Variants in PDE3A observed in about 807,000 individuals in gnomAD.
PDE3A encodes cGMP-inhibited 3',5'-cyclic phosphodiesterase 3A.
A neutral mutation model predicts 98.3 loss-of-function variants in PDE3A; 43 were observed. The observed-to-expected ratio is 0.44, with a 90% CI of 0.34 to 0.56. The LOEUF (loss-of-function observed/expected upper bound fraction) is 0.56, where lower values mean the gene tolerates loss of function less well. Ranked by LOEUF, PDE3A falls within the 20% of genes least tolerant of loss-of-function variation. PDE3A has a pLI of 0.01. For synonymous variants in PDE3A, 663 were observed against 567.9 expected (o/e 1.17, Z -2.38); for missense variants, 1,427 against 1,440.7 (o/e 0.99, Z 0.15).
At chr12:20,466,405 C>G (rs888837166) in intron 1 of PDE3A, among the ~76,000 whole-genome samples, 2 of 152,086 alleles carry the variant, frequency 1.3e-5, no homozygotes, top group African/African-American at 4.8e-5. Context: ...TCCTGTGTTT[C>G]AAGGAGGAGA....
chr12:20,425,242 TA>T (rs1370700575), intron 1 of PDE3A, among the ~76,000 whole-genome samples: 1 of 152,126 alleles, frequency 6.6e-6, no homozygotes, highest in African/African-American at 2.4e-5. Context: ...GGTGGTGACA[TA>T]CATAAAGCCA....
chr12:20,551,807 C>T lies in PDE3A; in HGVS notation c.961-4853C>T, dbSNP rs1238416240. ...AAGATGGCCTCGGCCACATCGTCCTCACAGCGGGACTGGGACAAGGGCATG... is the reference window on the plus strand; with the variant it reads ...AAGATGGCCTCGGCCACATCGTCCTTACAGCGGGACTGGGACAAGGGCATG... On this transcript the variant is annotated intron_variant, in intron 1 of 15. Transcript: ENST00000359062. 7.4e-6 allele frequency: 12 copies of T among 1,613,890 alleles called. No homozygotes were observed. The East Asian group carries it at 2.0e-4, about 27-fold the overall frequency.
chr12:20,426,837 A>G (rs1944608998), intron 1 of PDE3A, among the ~76,000 whole-genome samples: 1 of 152,214 alleles, frequency 6.6e-6, no homozygotes, highest in African/African-American at 2.4e-5. Flanking sequence ...TACATTCACT[A>G]AAATAAGATT....
At chr12:20,435,606 C>CCTGGATCTAATTCCTGGTAGTAAGG (rs1431158230) in intron 1 of PDE3A, among the ~76,000 whole-genome samples, 3 of 152,080 alleles carry the variant, frequency 2.0e-5, no homozygotes, top group Admixed American at 6.6e-5. Flanking sequence ...GAGTATGGTT[C>CCTGGATCTAATTCCTGGTAGTAAGG]CTGGATCTAA....
chr12:20,496,546 G>A (rs1021424143), intron 1 of PDE3A, among the ~76,000 whole-genome samples: 4 of 137,470 alleles, frequency 2.9e-5, no homozygotes, highest in East Asian at 5.1e-4. Flanking sequence ...GCAACACCCC[G>A]AATTCTCTCT....
At position 20,552,194 on chromosome 12, in the gene PDE3A, C is replaced by T; in HGVS notation, c.961-4466C>T. On this transcript the variant is annotated intron_variant, in intron 1 of 15. Transcript: ENST00000359062. The surrounding 1 kb of genome is among the most constrained non-coding windows in gnomAD (Gnocchi z 5.1). ...GCTCCCATCAATGACCAAGAAGGGG[C>T]CGAGGCCAAGGACTGGCGGTCGGGG... 6.2e-7 allele frequency: 1 copy of T among 1,613,854 alleles called. No homozygotes were observed. The highest frequency in any genetic ancestry group is 8.5e-7 in the Non-Finnish European group (1 of 1,179,900).
intron 1 of PDE3A, among the ~76,000 whole-genome samples, chr12:20,475,554 C>A (rs899756939): frequency 2.6e-5 from 4 of 151,958 alleles, no homozygotes; most frequent in African/African-American, 7.3e-5. Flanking sequence ...CGTGGTGAAA[C>A]CCCATCTCTA....
In PDE3A at chr12:20,616,250, T is replaced by A; in HGVS notation, c.1290T>A (p.Pro430=). 6.2e-7 allele frequency: 1 copy of A among 1,613,968 alleles called. No homozygotes were observed. The highest frequency in any genetic ancestry group is 8.5e-7 in the Non-Finnish European group (1 of 1,179,922). The change falls in exon 4 of 16, where the codon CCT becomes CCA. Residue 430 remains proline, a synonymous_variant. Coordinates refer to ENST00000359062, the MANE Select transcript of PDE3A (RefSeq NM_000921.5). ...AIPKRLRRSL[P]PGLLRRVSST... ...CCTAGCGCCTGAGAAGGAGTTTGCC[T>A]CCTGGCTTGTTGAGACGAGTTTCTT...
chr12:20,587,299 G>T (rs1308380800), intron 2 of PDE3A, among the ~76,000 whole-genome samples: 1 of 152,142 alleles, frequency 6.6e-6, no homozygotes, highest in African/African-American at 2.4e-5. Context: ...AACGCGGGAG[G>T]CAGAGGTTGC....
intron 1 of PDE3A, among the ~76,000 whole-genome samples, chr12:20,423,444 G>A (rs527470311): frequency 6.6e-6 from 1 of 152,204 alleles, no homozygotes; most frequent in Non-Finnish European, 1.5e-5. Flanking sequence ...TGCATGTACA[G>A]CTAAGATTAA....
chr12:20,567,534 C>T (rs1484174199), intron 2 of PDE3A, among the ~76,000 whole-genome samples: 1 of 151,986 alleles, frequency 6.6e-6, no homozygotes, highest in African/African-American at 2.4e-5. Flanking sequence ...GTTGTCATTA[C>T]TTAAGGAGAA....
intron 2 of PDE3A, among the ~76,000 whole-genome samples, chr12:20,565,694 C>CA (rs1942638799): frequency 6.6e-6 from 1 of 151,346 alleles, no homozygotes. Context: ...CATATACTAC[C>CA]AAAAAAACAC....
At chr12:20,650,824 G>GA (rs1011414673) in intron 14 of PDE3A, among the ~76,000 whole-genome samples, 375 of 23,728 alleles carry the variant, frequency 0.016, 2 homozygotes, top group African/African-American at 0.043. Context: ...GCAAGCATTT[G>GA]GGGGAAGAAG....
At chr12:20,479,720 A>T (rs1412831902) in intron 1 of PDE3A, among the ~76,000 whole-genome samples, 2 of 152,206 alleles carry the variant, frequency 1.3e-5, no homozygotes, top group Admixed American at 1.3e-4. Context: ...CACTGAGGAC[A>T]CTTGGGCAAG....
intron 2 of PDE3A, among the ~76,000 whole-genome samples, chr12:20,590,247 C>A (rs975125650): frequency 6.6e-6 from 1 of 151,688 alleles, no homozygotes; most frequent in Non-Finnish European, 1.5e-5. Flanking sequence ...TCTGATTCGG[C>A]TTCAGGGTTT....
intron 1 of PDE3A, among the ~76,000 whole-genome samples, chr12:20,489,912 T>C (rs1260261194): frequency 1.3e-5 from 2 of 152,178 alleles, no homozygotes; most frequent in African/African-American, 4.8e-5. Context: ...GCAGAAGGAT[T>C]TGGGGCCAGA....
chr12:20,531,898 C>G (rs2121189048), intron 1 of PDE3A, among the ~76,000 whole-genome samples: 1 of 151,520 alleles, frequency 6.6e-6, no homozygotes, highest in East Asian at 2.0e-4. Flanking sequence ...TATTCCATCT[C>G]ATAAACTTCT....
intron 5 of PDE3A, among the ~76,000 whole-genome samples, chr12:20,626,954 G>T (rs1183859693): frequency 6.6e-6 from 1 of 152,050 alleles, no homozygotes; most frequent in Non-Finnish European, 1.5e-5. Context: ...TGAGTTCCAA[G>T]AACTCTAATG....
At chr12:20,496,555 C>G (rs1308582913) in intron 1 of PDE3A, among the ~76,000 whole-genome samples, 1 of 151,792 alleles carries the variant, frequency 6.6e-6, no homozygotes, top group African/African-American at 2.4e-5. Context: ...CGAATTCTCT[C>G]TCTGCTACCT....
Sources: gnomAD v4.1 joint callset for allele counts (sites outside exome capture counted in the v4.1 genomes callset) on GRCh38, gnomAD v4.1.1 for gene constraint, Gnocchi (gnomAD v3.1) non-coding constraint, MANE v1.5 for transcripts, NCBI Gene and HGNC (gene_info 2026-07-23, HGNC 2026-07-21) for gene names.